CBLC: variants seen among roughly 807,000 people sequenced by gnomAD.
The protein encoded by CBLC is E3 ubiquitin-protein ligase CBL-C.
In CBLC, 46 loss-of-function variants were observed where a neutral mutation model predicts 58.6. The ratio of observed to expected loss-of-function variants is 0.79; its 90% CI spans 0.62 to 1.00. The LOEUF (loss-of-function observed/expected upper bound fraction) is 1.00, where lower values mean the gene tolerates loss of function less well. CBLC is among the 50% of genes least tolerant of loss of function. CBLC has a pLI of 0.00. For synonymous variants in CBLC, 271 were observed against 264.2 expected, an observed-to-expected ratio of 1.03 and a Z score of -0.25; for missense variants, 655 against 625.8, an observed-to-expected ratio of 1.05 and a Z score of -0.50.
At chr19:44,793,452 T>A (rs1025909626) in intron 7 of CBLC, 22 bp from the exon 8 acceptor site, 5 of 1,588,270 alleles carry the variant, frequency 3.1e-6, no homozygotes, top group Middle Eastern at 1.8e-4. Flanking sequence ...GCACTGACCC[T>A]TTCCCTCCCG....
intron 7 of CBLC, 47 bp from the exon 8 acceptor site, chr19:44,793,427 A>T (rs1968103025): frequency 1.3e-6 from 2 of 1,537,054 alleles, no homozygotes; most frequent in African/African-American, 1.4e-5. Flanking sequence ...AAGGGACAGG[A>T]TGGAGAGCAG....
chr19:44,789,818 T>A (rs1005076255), intron 5 of CBLC, among the ~76,000 whole-genome samples, 186 bp from the exon 6 acceptor site: 2 of 151,976 alleles, frequency 1.3e-5, no homozygotes, highest in African/African-American at 4.8e-5. Context: ...TGCCCTGGGG[T>A]ATCTGAGAAG....
At chr19:44,781,574 G>A (rs1301105933) in intron 3 of CBLC, among the ~76,000 whole-genome samples, 1 of 136,142 alleles carries the variant, frequency 7.3e-6, no homozygotes, top group African/African-American at 2.8e-5. Flanking sequence ...TGGGGGCCTG[G>A]ACTCCTGGGT....
chr19:44,786,242 C>T (rs893379577), intron 5 of CBLC, among the ~76,000 whole-genome samples: 4 of 151,914 alleles, frequency 2.6e-5, no homozygotes, highest in African/African-American at 7.2e-5. Flanking sequence ...TGGGTCACCA[C>T]ATTTTTGTCA....
In CBLC at chr19:44,778,150, C is replaced by A; in HGVS notation, c.219C>A (p.Pro73=). 1 of 1,581,388 alleles carries A rather than the reference C, an allele frequency of 6.3e-7. No homozygotes were observed. The highest frequency in any genetic ancestry group is 1.1e-5 in the South Asian group (1 of 88,270). ...RAAGGGGPGG[P]GGSGDFLLIY... Reference sequence around the variant, plus strand: ...CCGGCGGAGGCGGCCCCGGGGGTCCCGGCGGCTCTGGGGACTTTCTACTCA... The same window carrying A: ...CCGGCGGAGGCGGCCCCGGGGGTCCAGGCGGCTCTGGGGACTTTCTACTCA... The change falls in exon 1 of 11, where the codon CCC becomes CCA. Residue 73 remains proline (P), a synonymous_variant. Coordinates refer to ENST00000647358, the MANE Select transcript of CBLC (RefSeq NM_012116.4).
intron 6 of CBLC, among the ~76,000 whole-genome samples, chr19:44,791,309 A>G (rs986420368): frequency 6.9e-6 from 1 of 144,936 alleles, no homozygotes; most frequent in African/African-American, 2.5e-5. Context: ...CTGTCCCGCA[A>G]AAAAAAAAAA....
intron 9 of CBLC, among the ~76,000 whole-genome samples, chr19:44,795,743 G>A (rs1968164334): frequency 2.6e-5 from 4 of 152,108 alleles, no homozygotes; most frequent in Admixed American, 6.6e-5. Context: ...TGGTTTTGTC[G>A]GCTTTTATCA....
chr19:44,796,169 C>T (rs1001559609), intron 9 of CBLC, among the ~76,000 whole-genome samples: 2 of 151,886 alleles, frequency 1.3e-5, no homozygotes, highest in African/African-American at 4.8e-5. Context: ...GAGCCAAGAT[C>T]GCGCCACTGC....
chr19:44,800,169 C>T (rs1387382926), intron 9 of CBLC, among the ~76,000 whole-genome samples: 3 of 152,190 alleles, frequency 2.0e-5, no homozygotes, highest in East Asian at 3.8e-4. Flanking sequence ...TCTTCATCTC[C>T]TCCCCCCAGG....
Position 44,800,636 on chromosome 19 carries a change from T to C in CBLC, c.*93T>C. 1 of 542,624 alleles carries C rather than the reference T, an allele frequency of 1.8e-6. No individual in the cohort carries two copies. Among genetic ancestry groups the C allele is most frequent in the East Asian group, 3.0e-5 (1 of 33,082 alleles). The allele number at this position is 542,624 out of a possible 1,614,324, so 33.6% of individuals were successfully genotyped here. ...ATAAACTGCCAAGCCTGGTCTGTCC[T>C]CCAGGGTGCAAAGGAAGAGTGCAGT... On this transcript the variant is annotated 3_prime_UTR_variant, in exon 11 of 11. Transcript: ENST00000647358.
intron 5 of CBLC, among the ~76,000 whole-genome samples, chr19:44,787,479 T>G (rs1381516161): frequency 6.6e-6 from 1 of 151,868 alleles, no homozygotes; most frequent in Non-Finnish European, 1.5e-5. Flanking sequence ...ACGCTGCATT[T>G]AAAATTTTTT....
At chr19:44,779,603 G>C (rs1360817057) in intron 1 of CBLC, among the ~76,000 whole-genome samples, 1 of 148,554 alleles carries the variant, frequency 6.7e-6, no homozygotes, top group Non-Finnish European at 1.5e-5. Context: ...CCAGACTGGA[G>C]GGCAGTGGCA....
intron 1 of CBLC, 126 bp from the exon 2 acceptor site, chr19:44,780,779 G>T (rs1054470436): frequency 1.9e-5 from 19 of 1,005,040 alleles, no homozygotes; most frequent in Non-Finnish European, 2.6e-5. Context: ...AGCAGGAATG[G>T]ACTCTTACCT....
chr19:44,793,321 T>C (rs1166585642), intron 7 of CBLC, among the ~76,000 whole-genome samples, 153 bp from the exon 8 acceptor site: 1 of 152,050 alleles, frequency 6.6e-6, no homozygotes, highest in Admixed American at 6.6e-5. Flanking sequence ...CCCTCCACAT[T>C]CCTCTGCTCT....
chr19:44,782,631 G>GTCCT, intron 4 of CBLC, 140 bp downstream of exon 4: 1 of 663,814 alleles, frequency 1.5e-6, no homozygotes, highest in Non-Finnish European at 2.6e-6. Flanking sequence ...ATAACTCAGA[G>GTCCT]GCAGGACACT....
rs376718472 is a variant in CBLC, at chr19:44,795,466, G to A, written c.1362+1185G>A. On this transcript the variant is annotated intron_variant, in intron 9 of 10. Transcript: ENST00000647358. ...CAGGAGTTGGTAGCTCCAGTGAGGC[G>A]TGATCACACCACTGCACTCCAGCCT... Among the ~76,000 whole-genome samples, 33 of 151,918 alleles carry A rather than the reference G, an allele frequency of 2.2e-4. 2 individuals are homozygous for A. The highest frequency in any genetic ancestry group is 1.7e-3 in the South Asian group (8 of 4,802).
chr19:44,780,534 G>A (rs1045694982), intron 1 of CBLC, among the ~76,000 whole-genome samples: 34 of 146,164 alleles, frequency 2.3e-4, no homozygotes, highest in African/African-American at 7.2e-4. Context: ...GTGCAGTGGC[G>A]TGATCTCAGC....
intron 9 of CBLC, among the ~76,000 whole-genome samples, chr19:44,797,485 C>T (rs535020062): frequency 2.6e-5 from 4 of 151,906 alleles, no homozygotes; most frequent in Non-Finnish European, 4.4e-5. Flanking sequence ...TCCTTACCTC[C>T]GGTCATCTGC....
chr19:44,789,426 C>T (rs1285269657), intron 5 of CBLC, among the ~76,000 whole-genome samples: 1 of 150,520 alleles, frequency 6.6e-6, no homozygotes, highest in Non-Finnish European at 1.5e-5. Flanking sequence ...TTTTTTGAGA[C>T]AGAGTCTCAC....
Sources: gnomAD v4.1 joint callset for allele counts (sites outside exome capture counted in the v4.1 genomes callset) on GRCh38, gnomAD v4.1.1 for gene constraint, MANE v1.5 for transcripts, NCBI Gene and HGNC (gene_info 2026-07-23, HGNC 2026-07-21) for gene names.